CDH2: variants seen among roughly 807,000 people sequenced by gnomAD.
The protein encoded by CDH2 is cadherin 2.
CDH2 carries 17 observed loss-of-function variants against 92.0 expected under a neutral mutation model. That is an observed-to-expected ratio of 0.18 (90% CI 0.13 to 0.28). The LOEUF is 0.28. Ranked by LOEUF, CDH2 falls within the 10% of genes least tolerant of loss-of-function variation. The pLI is 1.00. For missense variants in CDH2, 862 were observed against 1,133.1 expected (o/e 0.76, Z 3.44); for synonymous variants, 419 against 415.9 (o/e 1.01, Z -0.09).
chr18:28,116,643 T>A (rs1472755486), intron 2 of CDH2, among the ~76,000 whole-genome samples: 1 of 152,196 alleles, frequency 6.6e-6, no homozygotes, highest in Non-Finnish European at 1.5e-5. Flanking sequence ...CAAAGGTCAC[T>A]GACATTCAAG....
chr18:28,007,157 A>T (rs981280611), intron 5 of CDH2, among the ~76,000 whole-genome samples: 4 of 52,530 alleles, frequency 7.6e-5, no homozygotes, highest in African/African-American at 3.1e-4. Flanking sequence ...GAGACTCCAT[A>T]AAAAAAAAAT....
intron 7 of CDH2, among the ~76,000 whole-genome samples, chr18:28,001,917 T>A (rs139129130): frequency 1.3e-4 from 20 of 152,358 alleles, no homozygotes; most frequent in African/African-American, 4.3e-4. Context: ...AATGATATTT[T>A]ATTGCAGTGG....
intron 2 of CDH2, among the ~76,000 whole-genome samples, chr18:28,131,450 G>A (rs1182902697): frequency 6.6e-6 from 1 of 152,114 alleles, no homozygotes; most frequent in Middle Eastern, 3.2e-3. Context: ...ATCTGGGCAA[G>A]TTACAGAACA....
Position 27,952,046 on chromosome 18 carries a change from G to A in CDH2, c.*107C>T. On this transcript the variant is annotated 3_prime_UTR_variant, in exon 16 of 16. Transcript: ENST00000269141. ...CAGCCTATGCCAAAGCCTCCAGCAA[G>A]CACTGTGCTAGTAGACTACAAAGTT... 1 of 970,212 alleles carries A rather than the reference G, an allele frequency of 1.0e-6. No individual in the cohort carries two copies. Among genetic ancestry groups the A allele is most frequent in the Non-Finnish European group, 1.6e-6 (1 of 613,146 alleles). 60.1% of individuals were successfully genotyped at this position (970,212 alleles called of 1,614,324 possible).
At position 27,993,649 on chromosome 18, in the gene CDH2, T is replaced by C. The variant is rs770719935; in HGVS notation, c.1021-12A>G. On this transcript the variant is annotated splice_polypyrimidine_tract_variant and intron_variant, in intron 7 of 15. Transcript: ENST00000269141. ...TACTGTTGCACTTTCTAAAAAGACA[T>C]AAAGATAAGAACTTAAATGAAACTA... 6.0e-5 allele frequency: 95 copies of C among 1,594,500 alleles called. No individual in the cohort carries two copies. Among genetic ancestry groups the C allele is most frequent in the Non-Finnish European group, 8.1e-5 (94 of 1,164,456 alleles).
rs549438015 is a variant in CDH2, at chr18:27,951,926, G to C, written c.*227C>G. On this transcript the variant is annotated 3_prime_UTR_variant, in exon 16 of 16. Transcript: ENST00000269141. ...GTACAAAAAGGCACATAAAATCCCA[G>C]TGCTTCTGTACTGTAAAATTCAAGT... 49 of 524,642 alleles carry C rather than the reference G, an allele frequency of 9.3e-5. 1 individual carries two copies. The South Asian group carries it at 1.2e-3, about 13-fold the overall frequency. 32.5% of individuals were successfully genotyped at this position (524,642 alleles called of 1,614,324 possible). A position where few individuals can be genotyped will look rare whatever the true frequency, so the allele number is the denominator to read the frequency against.
intron 12 of CDH2, 96 bp from the exon 13 acceptor site, chr18:27,985,329 A>G: frequency 1.2e-6 from 1 of 821,710 alleles, no homozygotes; most frequent in Non-Finnish European, 2.0e-6. Context: ...ACCTAATAGT[A>G]CACATAAAGC....
chr18:28,156,507 T>TGTCACCTTCCCAGGTAC (rs1568020488), intron 1 of CDH2, among the ~76,000 whole-genome samples: 9 of 17,488 alleles, frequency 5.1e-4, no homozygotes, highest in East Asian at 1.5e-3. Context: ...TTCCCAGGTA[T>TGTCACCTTCCCAGGTAC]AGAATGTCAC....
rs1235436468 is a variant in CDH2, at chr18:28,058,565, A to G, written c.173-44656T>C. 4.6e-5 allele frequency among the ~76,000 whole-genome samples: 7 copies of G among 152,316 alleles called. No individual in the cohort carries two copies. The East Asian group carries it at 9.7e-4, about 21-fold the overall frequency. On this transcript the variant is annotated intron_variant, in intron 2 of 15. Transcript: ENST00000269141. ...TGGTGTTTTCTAAGAAATCAGAACAAAACTCTTCATCAAAATGTGACTTTT... is the reference window on the plus strand; with the variant it reads ...TGGTGTTTTCTAAGAAATCAGAACAGAACTCTTCATCAAAATGTGACTTTT...
intron 1 of CDH2, among the ~76,000 whole-genome samples, chr18:28,152,528 T>C (rs1598511887): frequency 6.6e-6 from 1 of 152,092 alleles, no homozygotes; most frequent in South Asian, 2.1e-4. Flanking sequence ...TCCTAGGCAG[T>C]CACTGCTTGA....
chr18:28,121,188 A>G (rs530099320), intron 2 of CDH2, among the ~76,000 whole-genome samples: 5 of 152,260 alleles, frequency 3.3e-5, no homozygotes, highest in Non-Finnish European at 5.9e-5. Context: ...GGTCAATAGA[A>G]AACACCTAAA....
intron 2 of CDH2, among the ~76,000 whole-genome samples, chr18:28,124,339 T>C (rs1411952956): frequency 1.3e-5 from 2 of 152,174 alleles, no homozygotes; most frequent in South Asian, 2.1e-4. Context: ...ATTGATCTTA[T>C]TATAATAAAA....
At chr18:28,133,581 CAAAAAAAAAAA>C (rs765999292) in intron 2 of CDH2, among the ~76,000 whole-genome samples, 4 of 47,254 alleles carry the variant, frequency 8.5e-5, no homozygotes, top group Non-Finnish European at 1.7e-4. Flanking sequence ...GACTCTGTCT[CAAAAAAAAAAA>C]AAAAAAAAAA....
chr18:28,146,821 G>C (rs1274037862), intron 2 of CDH2: 1 of 152,062 alleles, frequency 6.6e-6, no homozygotes, highest in Non-Finnish European at 1.5e-5. Context: ...AACAGCCTCA[G>C]AGATATGCAA....
At chr18:28,000,914 TCTGC>T (rs2012745453) in intron 7 of CDH2, among the ~76,000 whole-genome samples, 4 of 152,116 alleles carry the variant, frequency 2.6e-5, no homozygotes, top group Non-Finnish European at 5.9e-5. Flanking sequence ...GAATTTCAAG[TCTGC>T]ACGAGGCCTG....
intron 2 of CDH2, among the ~76,000 whole-genome samples, chr18:28,061,788 G>T (rs2014407647): frequency 6.6e-6 from 1 of 152,162 alleles, no homozygotes; most frequent in Non-Finnish European, 1.5e-5. Context: ...GTCTTACATG[G>T]CGGCAGGCAA....
chr18:28,061,506 G>A (rs1248439074), intron 2 of CDH2, among the ~76,000 whole-genome samples: 2 of 152,152 alleles, frequency 1.3e-5, no homozygotes, highest in African/African-American at 2.4e-5. Flanking sequence ...TCAGCCGAGC[G>A]TGGTGGCATG....
At chr18:28,050,814 G>C (rs1314341651) in intron 2 of CDH2, among the ~76,000 whole-genome samples, 1 of 152,142 alleles carries the variant, frequency 6.6e-6, no homozygotes, top group Admixed American at 6.5e-5. Context: ...CACAGGAGAA[G>C]TACAGCCTAG....
At chr18:28,041,918 T>C (rs1307077201) in intron 2 of CDH2, among the ~76,000 whole-genome samples, 1 of 152,178 alleles carries the variant, frequency 6.6e-6, no homozygotes, top group Non-Finnish European at 1.5e-5. Flanking sequence ...ATAATTTATT[T>C]ATTAAAGAAA....
Sources: allele counts gnomAD v4.1 joint callset (sites outside exome capture counted in the v4.1 genomes callset), GRCh38; gene constraint gnomAD v4.1.1; transcripts MANE v1.5; gene names NCBI Gene and HGNC (gene_info 2026-07-23, HGNC 2026-07-21).